ZNF365: variants seen among roughly 807,000 people sequenced by gnomAD.
The protein encoded by ZNF365 is protein ZNF365.
Under a neutral mutation model 35.0 loss-of-function variants are expected in ZNF365, and 22 were observed. The ratio of observed to expected loss-of-function variants is 0.63; its 90% CI spans 0.45 to 0.90. The LOEUF (loss-of-function observed/expected upper bound fraction) is 0.90, where lower values mean the gene tolerates loss of function less well. Ranked by LOEUF, ZNF365 falls within the 40% of genes least tolerant of loss-of-function variation. ZNF365 has a pLI of 0.00. For missense variants in ZNF365, 448 were observed against 500.3 expected (o/e 0.90, Z 1.00); for synonymous variants, 188 against 196.2 (o/e 0.96, Z 0.35).
intron 3 of ZNF365, among the ~76,000 whole-genome samples, chr10:62,432,287 T>C (rs1193101045): frequency 6.6e-6 from 1 of 152,210 alleles, no homozygotes; most frequent in Admixed American, 6.5e-5. Context: ...GAGCAGTTTC[T>C]TGTTTCCCAT....
chr10:62,427,468 G>C (rs1840268140), intron 3 of ZNF365, among the ~76,000 whole-genome samples: 1 of 152,138 alleles, frequency 6.6e-6, no homozygotes, highest in Non-Finnish European at 1.5e-5. Context: ...TATTTTGTTA[G>C]CACAGCAACA....
At chr10:62,430,803 C>T (rs1029553309) in intron 3 of ZNF365, among the ~76,000 whole-genome samples, 3 of 152,244 alleles carry the variant, frequency 2.0e-5, no homozygotes, top group South Asian at 2.1e-4. Context: ...GAATTTCTTT[C>T]GTTATTTTTC....
In ZNF365 at chr10:62,399,828, G is replaced by A; in HGVS notation, c.*39G>A. The A allele has an allele frequency of 6.4e-7, 1 of 1,570,446 alleles. No individual in the cohort carries two copies. Among genetic ancestry groups the A allele is most frequent in the African/African-American group, 1.4e-5 (1 of 73,296 alleles). ...GCTGGACCAATCATCGCTGGGCTTT[G>A]GGGAACGTTGTTCCAGGAGCCAACA... On this transcript the variant is annotated 3_prime_UTR_variant, in exon 5 of 5. Transcript: ENST00000395254.
intron 4 of ZNF365, among the ~76,000 whole-genome samples, chr10:62,469,694 T>C (rs1841001849): frequency 6.6e-6 from 1 of 152,176 alleles, no homozygotes; most frequent in Non-Finnish European, 1.5e-5. Context: ...ATAATAATGG[T>C]GATGATAAAT....
chr10:62,380,885 G>A (rs1484253801), intron 2 of ZNF365, among the ~76,000 whole-genome samples: 1 of 152,086 alleles, frequency 6.6e-6, no homozygotes, highest in Non-Finnish European at 1.5e-5. Context: ...GAAAATTTGA[G>A]TATAATAAAA....
rs181544033 is a variant in ZNF365 at position 62,399,520 on chromosome 10, C to T, written c.963-8C>T. 2.5e-6 allele frequency: 4 copies of T among 1,613,698 alleles called. No individual in the cohort carries two copies. Among genetic ancestry groups the T allele is most frequent in the African/African-American group, 2.7e-5 (2 of 74,994 alleles). On this transcript the variant is annotated splice_polypyrimidine_tract_variant and splice_region_variant and intron_variant, in intron 4 of 4. Coordinates refer to ENST00000395254, the MANE Select transcript of ZNF365 (RefSeq NM_014951.3). Reference sequence around the variant, plus strand: ...CTCTTCTCCACTCCCCCCTCCAACCCTCTGTAGAAGCCGAGGGCACCCGCA... The same window carrying T: ...CTCTTCTCCACTCCCCCCTCCAACCTTCTGTAGAAGCCGAGGGCACCCGCA...
downstream of ZNF365, among the ~76,000 whole-genome samples, chr10:62,404,257 T>C (rs567825854): frequency 2.6e-5 from 4 of 152,324 alleles, no homozygotes; most frequent in East Asian, 7.7e-4. Flanking sequence ...AGAACTTTGG[T>C]ACCAATGTCC....
In ZNF365 at chr10:62,474,857, G is replaced by C. The variant is rs12254707; in HGVS notation, c.982-5019G>C. On this transcript the variant is annotated intron_variant, in intron 4 of 4. Transcript: ENST00000395255. ...GAGTAGCTCCAGTTCACATGGTCTTGTCTCTGATTGTATGTTTCTGACATG... is the reference window on the plus strand; with the variant it reads ...GAGTAGCTCCAGTTCACATGGTCTTCTCTCTGATTGTATGTTTCTGACATG... 3.2e-3 allele frequency among the ~76,000 whole-genome samples: 495 copies of C among 152,316 alleles called. 4 individuals are homozygous for C. The highest frequency in any genetic ancestry group is 0.01 in the African/African-American group (434 of 41,562).
rs755542918 is a variant in ZNF365 at position 62,376,628 on chromosome 10, T to C, written c.435T>C (p.Gly145=). 1.2e-6 allele frequency: 2 copies of C among 1,613,978 alleles called. No individual in the cohort carries two copies. Among genetic ancestry groups the C allele is most frequent in the Admixed American group, 3.3e-5 (2 of 59,996 alleles). ...HADSLDGTRS[G]PGLPTSDTKA... ...ACTCGCTGGATGGGACACGGTCGGG[T>C]CCTGGACTGCCCACCTCAGACACCA... The change falls in exon 2 of 5, where the codon GGT becomes GGC. Residue 145 remains glycine (G), a synonymous_variant. Transcript: ENST00000395254.
intron 3 of ZNF365, among the ~76,000 whole-genome samples, chr10:62,409,700 T>A (rs541421289): frequency 1.3e-5 from 2 of 152,248 alleles, no homozygotes; most frequent in East Asian, 3.9e-4. Flanking sequence ...TTTGGCTCAA[T>A]AGCTTAAACA....
At position 62,384,174 on chromosome 10, in the gene ZNF365, A is replaced by T. The variant is rs183233087; in HGVS notation, c.744-4222A>T. ...CCGGAAGTGGCTTAGAACCAGTTAA[A>T]TTTCCCCAACACTGGTCTGCACCCA... is the stretch of plus-strand genomic sequence containing the variant. On this transcript the variant is annotated intron_variant, in intron 2 of 4. Transcript: ENST00000395254. 2.6e-3 allele frequency among the ~76,000 whole-genome samples: 389 copies of T among 151,384 alleles called. 1 individual carries two copies. Among genetic ancestry groups the T allele is most frequent in the African/African-American group, 9.2e-3 (380 of 41,218 alleles).
intron 2 of ZNF365, among the ~76,000 whole-genome samples, chr10:62,387,007 T>C (rs1336249517): frequency 6.6e-6 from 1 of 152,198 alleles, no homozygotes; most frequent in Non-Finnish European, 1.5e-5. Flanking sequence ...TGAGAGGCCA[T>C]TCCTTGAAGA....
At chr10:62,399,495 C>G (rs1839787091) in intron 4 of ZNF365, 33 bp from the exon 5 acceptor site, 1 of 1,602,836 alleles carries the variant, frequency 6.2e-7, no homozygotes, top group East Asian at 2.2e-5. Flanking sequence ...TTCTGCTCAT[C>G]TCTTCTCCAC....
chr10:62,402,322 G>C lies in ZNF365; in HGVS notation c.*2533G>C. The C allele has an allele frequency of 1.0e-6, 1 of 985,562 alleles. No homozygotes were observed. The highest frequency in any genetic ancestry group is 1.2e-6 in the Non-Finnish European group (1 of 829,922). 61.1% of individuals were successfully genotyped at this position (985,562 alleles called of 1,614,324 possible). A position where few individuals can be genotyped will look rare whatever the true frequency, so the allele number is the denominator to read the frequency against. On this transcript the variant is annotated 3_prime_UTR_variant, in exon 5 of 5. Transcript: ENST00000395254. The stretch of plus-strand genomic sequence containing the variant: ...GGTTCTTATCTGCAAGGTTCAAGTT[G>C]CTTAGACATTGTTTTCCAGTATTCT...
chr10:62,399,445 A>G (rs903953082), intron 4 of ZNF365, 83 bp from the exon 5 acceptor site: 4 of 1,544,970 alleles, frequency 2.6e-6, no homozygotes, highest in Non-Finnish European at 3.5e-6. Context: ...AGATTGTGCC[A>G]TGAGTAATTA....
At chr10:62,423,947 T>A (rs1299538151) in intron 3 of ZNF365, among the ~76,000 whole-genome samples, 1 of 152,142 alleles carries the variant, frequency 6.6e-6, no homozygotes, top group Non-Finnish European at 1.5e-5. Context: ...GTTTATGGAG[T>A]CTGAAGTATA....
intron 4 of ZNF365, among the ~76,000 whole-genome samples, chr10:62,465,065 C>T (rs540183359): frequency 6.6e-6 from 1 of 152,218 alleles, no homozygotes; most frequent in African/African-American, 2.4e-5. Context: ...CCAAGCATCC[C>T]TTTGCTCTCA....
At chr10:62,375,321 A>G (rs1839302586) in intron 1 of ZNF365, among the ~76,000 whole-genome samples, 1 of 152,160 alleles carries the variant, frequency 6.6e-6, no homozygotes, top group Non-Finnish European at 1.5e-5. Context: ...ATAAAATAGC[A>G]TCTGAGACAA....
intron 4 of ZNF365, among the ~76,000 whole-genome samples, chr10:62,468,643 A>G (rs1356892810): frequency 6.6e-6 from 1 of 152,200 alleles, no homozygotes; most frequent in African/African-American, 2.4e-5. Context: ...GCAAATGGAT[A>G]ACTTATTTTA....
Sources: allele counts gnomAD v4.1 joint callset (sites outside exome capture counted in the v4.1 genomes callset), GRCh38; gene constraint gnomAD v4.1.1; transcripts MANE v1.5; gene names NCBI Gene and HGNC (gene_info 2026-07-23, HGNC 2026-07-21).